CNTNAP2: variants seen among roughly 807,000 people sequenced by gnomAD.
CNTNAP2 encodes the protein contactin-associated protein-like 2.
In CNTNAP2, 98 loss-of-function variants were observed where a neutral mutation model predicts 155.2. The observed-to-expected ratio is 0.63, with a 90% CI of 0.54 to 0.75. CNTNAP2 has a LOEUF of 0.75. CNTNAP2 is among the 30% of genes least tolerant of loss of function. The pLI is 0.00. For missense variants in CNTNAP2, 1,727 were observed against 1,688.1 expected, an observed-to-expected ratio of 1.02 and a Z score of -0.40; for synonymous variants, 651 against 631.2, an observed-to-expected ratio of 1.03 and a Z score of -0.47.
chr7:147,245,366 G>A (rs1030385488), intron 8 of CNTNAP2, among the ~76,000 whole-genome samples: 1 of 152,026 alleles, frequency 6.6e-6, no homozygotes, highest in East Asian at 1.9e-4. Context: ...GGAGGGAGTC[G>A]TCTCTCTGTG....
chr7:146,209,902 G>A (rs539093671), intron 1 of CNTNAP2, among the ~76,000 whole-genome samples: 2 of 152,106 alleles, frequency 1.3e-5, no homozygotes, highest in Non-Finnish European at 2.9e-5. Context: ...AGTTGTCGAG[G>A]TGAAGAATAA....
chr7:146,754,570 C>CTT (rs1028954006), intron 1 of CNTNAP2, among the ~76,000 whole-genome samples: 1 of 151,640 alleles, frequency 6.6e-6, no homozygotes, highest in Non-Finnish European at 1.5e-5. Context: ...CTCTCTCTCT[C>CTT]TCTCTCTCTT....
chr7:147,353,478 A>G (rs1796004718), intron 9 of CNTNAP2, among the ~76,000 whole-genome samples: 1 of 151,994 alleles, frequency 6.6e-6, no homozygotes, highest in Non-Finnish European at 1.5e-5. Context: ...ACATGAACCC[A>G]TCCTTTTCTA....
chr7:146,232,542 C>T (rs913181336), intron 1 of CNTNAP2, among the ~76,000 whole-genome samples: 3 of 152,018 alleles, frequency 2.0e-5, no homozygotes, highest in Non-Finnish European at 4.4e-5. Context: ...ACTAGGTATC[C>T]TCCATATTAG....
chr7:146,912,046 C>T (rs964806169), intron 3 of CNTNAP2, among the ~76,000 whole-genome samples: 1 of 151,538 alleles, frequency 6.6e-6, no homozygotes, highest in African/African-American at 2.4e-5. Context: ...ACAATCCTTT[C>T]ATTACGAAAT....
At chr7:146,397,367 T>G (rs1174045541) in intron 1 of CNTNAP2, among the ~76,000 whole-genome samples, 2 of 152,226 alleles carry the variant, frequency 1.3e-5, no homozygotes, top group African/African-American at 4.8e-5. Flanking sequence ...TGTAGTTACA[T>G]GCCATTCAGG....
chr7:146,660,832 C>T (rs1038185551), intron 1 of CNTNAP2, among the ~76,000 whole-genome samples: 11 of 152,156 alleles, frequency 7.2e-5, no homozygotes, highest in Admixed American at 2.6e-4. Flanking sequence ...CTTCACTCAT[C>T]ATTTCTTTTA....
intron 3 of CNTNAP2, among the ~76,000 whole-genome samples, chr7:146,993,611 C>G (rs1012921631): frequency 6.6e-6 from 1 of 152,092 alleles, no homozygotes; most frequent in Non-Finnish European, 1.5e-5. Context: ...TGGTGGAGAG[C>G]AGGGAGAGCT....
intron 1 of CNTNAP2, among the ~76,000 whole-genome samples, chr7:146,270,048 A>G (rs1800055960): frequency 6.6e-6 from 1 of 152,120 alleles, no homozygotes; most frequent in African/African-American, 2.4e-5. Context: ...GTCTTACCCC[A>G]GGCTTTCATT....
At chr7:146,790,812 G>A (rs796422298) in intron 2 of CNTNAP2, among the ~76,000 whole-genome samples, 2 of 151,714 alleles carry the variant, frequency 1.3e-5, no homozygotes, top group Admixed American at 6.6e-5. Flanking sequence ...CTTGTGATCC[G>A]CCCACCTCGG....
At chr7:147,953,171 A>G (rs755209960) in intron 14 of CNTNAP2, among the ~76,000 whole-genome samples, 6 of 152,192 alleles carry the variant, frequency 3.9e-5, no homozygotes, top group Non-Finnish European at 7.3e-5. Flanking sequence ...TCTTAGTTTC[A>G]TAGGAAGCAT....
At chr7:147,073,284 T>C (rs921000689) in intron 4 of CNTNAP2, among the ~76,000 whole-genome samples, 3 of 146,892 alleles carry the variant, frequency 2.0e-5, no homozygotes, top group Non-Finnish European at 4.5e-5. Context: ...CTGGAGAGCA[T>C]CATCCTTAGT....
intron 15 of CNTNAP2, among the ~76,000 whole-genome samples, chr7:148,087,186 T>A (rs1452025863): frequency 1.3e-5 from 2 of 152,170 alleles, no homozygotes; most frequent in African/African-American, 2.4e-5. Context: ...ATGCTAGTCT[T>A]CATTCCTATC....
intron 10 of CNTNAP2, among the ~76,000 whole-genome samples, chr7:147,400,745 T>G (rs1025978669): frequency 6.6e-6 from 1 of 152,140 alleles, no homozygotes; most frequent in Admixed American, 6.5e-5. Flanking sequence ...CCCCTCTTGC[T>G]CTCCACCATC....
At chr7:148,302,910 C>G (rs1351695174) in intron 21 of CNTNAP2, among the ~76,000 whole-genome samples, 4 of 150,052 alleles carry the variant, frequency 2.7e-5, no homozygotes, top group African/African-American at 9.8e-5. Context: ...CCTCTGCCTC[C>G]CAGGTTCAAG....
intron 23 of CNTNAP2, among the ~76,000 whole-genome samples, chr7:148,411,784 G>GGA (rs1799844575): frequency 1.4e-5 from 2 of 145,082 alleles, no homozygotes; most frequent in South Asian, 2.2e-4. Context: ...ACCATTTGTT[G>GGA]AAAAAAAAAA....
At chr7:146,971,729 C>G (rs1563026552) in intron 3 of CNTNAP2, among the ~76,000 whole-genome samples, 1 of 152,098 alleles carries the variant, frequency 6.6e-6, no homozygotes, top group African/African-American at 2.4e-5. Context: ...TAAAAAGGCA[C>G]TCATTCCATT....
At chr7:146,777,089 T>C (rs1485549724) in intron 2 of CNTNAP2, among the ~76,000 whole-genome samples, 1 of 152,226 alleles carries the variant, frequency 6.6e-6, no homozygotes, top group African/African-American at 2.4e-5. Flanking sequence ...TTACAGTTTC[T>C]TAACTGTGTG....
chr7:147,572,257 A>T (rs947259299), intron 12 of CNTNAP2, among the ~76,000 whole-genome samples: 4 of 152,122 alleles, frequency 2.6e-5, no homozygotes, highest in African/African-American at 9.7e-5. Flanking sequence ...CCATAGTGAT[A>T]GGTTAATACT....
Sources: allele counts gnomAD v4.1 joint callset (sites outside exome capture counted in the v4.1 genomes callset), GRCh38; gene constraint gnomAD v4.1.1; transcripts MANE v1.5; gene names NCBI Gene and HGNC (gene_info 2026-07-23, HGNC 2026-07-21).